RAD51B: variants seen among roughly 807,000 people sequenced by gnomAD.
RAD51B encodes the protein DNA repair protein RAD51 homolog 2.
RAD51B carries 38 observed loss-of-function variants against 42.2 expected under a neutral mutation model. The observed-to-expected ratio is 0.90, with a 90% CI of 0.70 to 1.18. The LOEUF (loss-of-function observed/expected upper bound fraction) is 1.18. RAD51B is among the 50% of genes most tolerant of loss of function. The pLI, the probability that RAD51B is intolerant of heterozygous loss-of-function variation, is 0.00. For missense variants in RAD51B, 373 were observed against 400.7 expected (o/e 0.93, Z 0.59); for synonymous variants, 154 against 145.2 (o/e 1.06, Z -0.43).
At chr14:67,962,065 C>T (rs2074681117) in intron 7 of RAD51B, among the ~76,000 whole-genome samples, 1 of 152,114 alleles carries the variant, frequency 6.6e-6, no homozygotes, top group African/African-American at 2.4e-5. Flanking sequence ...GACAAGAACA[C>T]CTCTATTGCA....
chr14:68,004,353 A>AAAAAT (rs1555339649), intron 7 of RAD51B, among the ~76,000 whole-genome samples: 2 of 146,694 alleles, frequency 1.4e-5, no homozygotes, highest in South Asian at 2.1e-4. Context: ...AAAAAAAAAA[A>AAAAAT]AAGAATATAT....
chr14:68,319,775 T>C (rs940299453), intron 8 of RAD51B, among the ~76,000 whole-genome samples: 4 of 152,216 alleles, frequency 2.6e-5, no homozygotes, highest in African/African-American at 9.7e-5. Context: ...CTGTAAAATG[T>C]CTATCTAGCC....
downstream of RAD51B, among the ~76,000 whole-genome samples, chr14:68,613,607 C>T (rs892248858): frequency 5.3e-5 from 8 of 151,926 alleles, no homozygotes; most frequent in African/African-American, 1.7e-4. Flanking sequence ...GAGCCCACCA[C>T]CACACCCGGC....
At chr14:68,486,365 A>G (rs1247532369) in intron 10 of RAD51B, among the ~76,000 whole-genome samples, 1 of 152,148 alleles carries the variant, frequency 6.6e-6, no homozygotes, top group African/African-American at 2.4e-5. Flanking sequence ...GTTTAAGTCT[A>G]TTGCCACTGG....
chr14:68,138,294 G>T (rs936083995), intron 7 of RAD51B, among the ~76,000 whole-genome samples: 1 of 152,160 alleles, frequency 6.6e-6, no homozygotes, highest in Non-Finnish European at 1.5e-5. Flanking sequence ...GTAAGTATAG[G>T]TTGGTAGCAT....
chr14:67,979,760 G>T (rs762373188), intron 7 of RAD51B, among the ~76,000 whole-genome samples: 2 of 151,996 alleles, frequency 1.3e-5, no homozygotes, highest in Non-Finnish European at 2.9e-5. Context: ...TTCCCAAGTA[G>T]ATATCAGTGT....
chr14:68,234,234 A>G (rs920957330), intron 7 of RAD51B, among the ~76,000 whole-genome samples: 3 of 152,218 alleles, frequency 2.0e-5, no homozygotes, highest in African/African-American at 4.8e-5. Flanking sequence ...TCAACAAGAA[A>G]TTCAGAGGAA....
chr14:68,023,493 A>C (rs1010343520), intron 7 of RAD51B, among the ~76,000 whole-genome samples: 3 of 151,978 alleles, frequency 2.0e-5, no homozygotes, highest in Non-Finnish European at 4.4e-5. Context: ...GGCCTGGCTA[A>C]TTTTTGTATT....
At chr14:68,580,031 G>T (rs1890141477) in intron 10 of RAD51B, among the ~76,000 whole-genome samples, 1 of 152,220 alleles carries the variant, frequency 6.6e-6, no homozygotes, top group African/African-American at 2.4e-5. Context: ...ATGCCAGCAT[G>T]GAGCTTCGAA....
At chr14:68,245,563 T>A (rs2080478500) in intron 7 of RAD51B, among the ~76,000 whole-genome samples, 1 of 152,250 alleles carries the variant, frequency 6.6e-6, no homozygotes, top group Non-Finnish European at 1.5e-5. Flanking sequence ...TATATCTCTT[T>A]TCCTGTTGCT....
rs148603359 is a variant in RAD51B, at chr14:68,557,380, G to T, written c.1037-37105G>T. Among the ~76,000 whole-genome samples the T allele has an allele frequency of 5.3e-5, 8 of 152,160 alleles. No homozygotes were observed. The East Asian group carries it at 1.4e-3, about 26-fold the overall frequency. On this transcript the variant is annotated intron_variant, in intron 10 of 10. Coordinates refer to the RAD51B transcript ENST00000487270. ...AAAGCCTACTTTATAATAAAGTAGGGAATATCTCATGTTTATTGAATACTG... is the reference window on the plus strand; with the variant it reads ...AAAGCCTACTTTATAATAAAGTAGGTAATATCTCATGTTTATTGAATACTG...
At chr14:68,589,849 TC>T (rs563853193) in intron 10 of RAD51B, among the ~76,000 whole-genome samples, 3 of 152,058 alleles carry the variant, frequency 2.0e-5, no homozygotes, top group Admixed American at 6.5e-5. Context: ...AAGGGCTTTT[TC>T]CCCCCCATTT....
intron 1 of RAD51B, among the ~76,000 whole-genome samples, chr14:67,822,006 TGAGA>T (rs778506475): frequency 9.2e-5 from 14 of 151,942 alleles, no homozygotes; most frequent in South Asian, 2.1e-4. Context: ...TGTGTGTGTG[TGAGA>T]GAGAGAGATT....
chr14:67,894,260 T>C (rs2043331428), intron 7 of RAD51B, among the ~76,000 whole-genome samples: 1 of 152,224 alleles, frequency 6.6e-6, no homozygotes, highest in Non-Finnish European at 1.5e-5. Context: ...ATCTCTTTCC[T>C]CCTAAAATAT....
rs186798299 is a variant in RAD51B at position 68,075,921 on chromosome 14, G to A, written c.756+188717G>A. The stretch of plus-strand genomic sequence containing the variant: ...CTGCAGCTGCAATGGCAGGGGGGCT[G>A]TCAGTTGTCTCTGGGATGTCCTCTC... On this transcript the variant is annotated intron_variant, in intron 7 of 10. Coordinates refer to ENST00000471583, the MANE Select transcript of RAD51B (RefSeq NM_133510.4). Among the ~76,000 whole-genome samples the A allele has an allele frequency of 8.9e-4, 136 of 152,380 alleles. 1 individual carries two copies. Among genetic ancestry groups the A allele is most frequent in the African/African-American group, 3.2e-3 (134 of 41,598 alleles).
intron 7 of RAD51B, among the ~76,000 whole-genome samples, chr14:68,167,115 T>G (rs557534751): frequency 1.3e-5 from 2 of 152,304 alleles, no homozygotes; most frequent in South Asian, 4.1e-4. Flanking sequence ...TTAAAAATAT[T>G]TAGTGGTTTC....
At chr14:67,932,407 T>A (rs1173507448) in intron 7 of RAD51B, among the ~76,000 whole-genome samples, 1 of 152,206 alleles carries the variant, frequency 6.6e-6, no homozygotes, top group Non-Finnish European at 1.5e-5. Context: ...GGGACAGGGA[T>A]GCTAGGCAGG....
intron 10 of RAD51B, among the ~76,000 whole-genome samples, chr14:68,522,860 G>A (rs1956079191): frequency 1.3e-5 from 2 of 152,110 alleles, no homozygotes; most frequent in Admixed American, 1.3e-4. Flanking sequence ...ACATTATTTT[G>A]CATTGAAAAT....
At chr14:67,958,598 T>A (rs2074597960) in intron 7 of RAD51B, among the ~76,000 whole-genome samples, 1 of 152,174 alleles carries the variant, frequency 6.6e-6, no homozygotes, top group Non-Finnish European at 1.5e-5. Context: ...TAAAAAACAA[T>A]ATTTCTCTTT....
Sources: allele counts gnomAD v4.1 joint callset (sites outside exome capture counted in the v4.1 genomes callset), GRCh38; gene constraint gnomAD v4.1.1; transcripts MANE v1.5; gene names NCBI Gene and HGNC (gene_info 2026-07-23, HGNC 2026-07-21).